CEP128: variants seen among roughly 807,000 people sequenced by gnomAD.
CEP128 encodes centrosomal protein 128kDa.
Under a neutral mutation model 156.7 loss-of-function variants are expected in CEP128, and 132 were observed. The observed-to-expected ratio is 0.84, with a 90% CI of 0.73 to 0.97. CEP128 has a LOEUF of 0.97. Among genes scored for constraint, CEP128 ranks in the 50% least tolerant of loss-of-function variants. The probability of loss-of-function intolerance (pLI) is 0.00; values close to 1 mark genes in which losing one functional copy is unlikely to be tolerated. For synonymous variants in CEP128, 469 were observed against 448.9 expected (o/e 1.04, Z -0.57); for missense variants, 1,252 against 1,281.9 (o/e 0.98, Z 0.36).
intron 24 of CEP128, among the ~76,000 whole-genome samples, chr14:80,503,566 G>C (rs565178278): frequency 2.0e-5 from 3 of 152,186 alleles, no homozygotes; most frequent in Non-Finnish European, 2.9e-5. Context: ...TTATGATGCT[G>C]TTTATCTCCA....
intron 19 of CEP128, among the ~76,000 whole-genome samples, chr14:80,590,700 C>G (rs1892018145): frequency 6.6e-6 from 1 of 151,948 alleles, no homozygotes; most frequent in South Asian, 2.1e-4. Flanking sequence ...CAATAGATAT[C>G]TTTTGAATTT....
chr14:80,936,394 GAA>G (rs1427362430), intron 2 of CEP128, among the ~76,000 whole-genome samples: 8 of 152,088 alleles, frequency 5.3e-5, no homozygotes, highest in Non-Finnish European at 1.0e-4. Context: ...AAGAAAGAGA[GAA>G]AGAGAGGAAG....
intron 9 of CEP128, among the ~76,000 whole-genome samples, chr14:80,855,539 CTG>C (rs1887107967): frequency 1.3e-5 from 2 of 151,786 alleles, no homozygotes; most frequent in South Asian, 2.1e-4. Flanking sequence ...ATATGAATAA[CTG>C]TATGCAAAAA....
intron 2 of CEP128, 90 bp downstream of exon 2, chr14:80,939,295 C>G (rs371648356): frequency 2.0e-4 from 30 of 152,136 alleles, no homozygotes; most frequent in African/African-American, 5.5e-4. Flanking sequence ...GCTTCTTGCT[C>G]CCAAAACTCT....
At chr14:80,607,199 T>C (rs966553232) in intron 19 of CEP128, among the ~76,000 whole-genome samples, 1 of 151,976 alleles carries the variant, frequency 6.6e-6, no homozygotes, top group African/African-American at 2.4e-5. Context: ...TATAGACATA[T>C]CTAAAGACAA....
intron 19 of CEP128, among the ~76,000 whole-genome samples, chr14:80,585,720 C>A (rs1891791780): frequency 6.6e-6 from 1 of 152,182 alleles, no homozygotes. Context: ...TACTATAATT[C>A]AGTGCTCCTG....
chr14:80,807,520 A>C (rs1418546938), intron 13 of CEP128, among the ~76,000 whole-genome samples: 1 of 152,214 alleles, frequency 6.6e-6, no homozygotes, highest in Non-Finnish European at 1.5e-5. Context: ...TACAGGAAGT[A>C]AGAGACCAGC....
chr14:80,633,415 T>A (rs577204415), intron 19 of CEP128, among the ~76,000 whole-genome samples: 176 of 152,298 alleles, frequency 1.2e-3, no homozygotes, highest in African/African-American at 4.1e-3. Flanking sequence ...GGCCCCATGA[T>A]CAAGTTAATA....
At chr14:80,814,007 T>C (rs1324605005) in intron 13 of CEP128, among the ~76,000 whole-genome samples, 2 of 152,240 alleles carry the variant, frequency 1.3e-5, no homozygotes, top group Non-Finnish European at 2.9e-5. Context: ...ATTATTTTGT[T>C]GCAGCACTTT....
chr14:80,861,482 G>C (rs758225955), intron 9 of CEP128, among the ~76,000 whole-genome samples: 11 of 152,008 alleles, frequency 7.2e-5, no homozygotes, highest in Non-Finnish European at 1.6e-4. Context: ...GATACTATGG[G>C]AAGGACATAA....
chr14:80,571,195 C>G (rs911742874), intron 20 of CEP128, among the ~76,000 whole-genome samples: 1 of 152,126 alleles, frequency 6.6e-6, no homozygotes, highest in Non-Finnish European at 1.5e-5. Context: ...TTTTTTGGAT[C>G]TGGACCGCAG....
At chr14:80,503,952 T>C (rs1366692537) in intron 24 of CEP128, among the ~76,000 whole-genome samples, 3 of 152,168 alleles carry the variant, frequency 2.0e-5, no homozygotes, top group East Asian at 1.9e-4. Flanking sequence ...ATAAGAGTTA[T>C]CACCTTTGGA....
intron 13 of CEP128, among the ~76,000 whole-genome samples, chr14:80,801,606 A>T (rs1883857949): frequency 6.6e-6 from 1 of 152,072 alleles, no homozygotes. Context: ...AAACAAACAT[A>T]AGAAAAAACA....
intron 19 of CEP128, among the ~76,000 whole-genome samples, chr14:80,581,960 A>G (rs1161122317): frequency 6.6e-6 from 1 of 152,102 alleles, no homozygotes; most frequent in Non-Finnish European, 1.5e-5. Context: ...AGCTGAAGTA[A>G]CTCTGTTTCA....
intron 19 of CEP128, among the ~76,000 whole-genome samples, chr14:80,611,187 G>A (rs1566809989): frequency 6.6e-6 from 1 of 151,314 alleles, no homozygotes; most frequent in Non-Finnish European, 1.5e-5. Context: ...ATAAGATAAG[G>A]AGTTTTCACT....
chr14:80,493,395 C>T (rs546182531), downstream of CEP128, among the ~76,000 whole-genome samples: 2 of 152,286 alleles, frequency 1.3e-5, no homozygotes, highest in African/African-American at 4.8e-5. Flanking sequence ...ATTGTAAAAG[C>T]TGGAGGCCAT....
chr14:80,740,037 T>C (rs1294685699), intron 19 of CEP128, among the ~76,000 whole-genome samples: 2 of 152,146 alleles, frequency 1.3e-5, no homozygotes, highest in Non-Finnish European at 2.9e-5. Context: ...TGGCAAGATA[T>C]CATCTCTGTC....
upstream of CEP128, chr14:80,941,904 C>T (rs192034478): frequency 1.3e-5 from 2 of 152,364 alleles, no homozygotes; most frequent in East Asian, 3.9e-4. Flanking sequence ...GGTAACTTTC[C>T]CGGATAAAAG....
chr14:80,913,657 T>C (rs573178485), intron 4 of CEP128, among the ~76,000 whole-genome samples: 5 of 151,740 alleles, frequency 3.3e-5, no homozygotes, highest in East Asian at 3.9e-4. Context: ...ATAATGGACA[T>C]TGGAGACTCA....
Sources: gnomAD v4.1 joint callset for allele counts (sites outside exome capture counted in the v4.1 genomes callset) on GRCh38, gnomAD v4.1.1 for gene constraint, MANE v1.5 for transcripts, NCBI Gene and HGNC (gene_info 2026-07-23, HGNC 2026-07-21) for gene names.